VPS33B: variants seen among roughly 807,000 people sequenced by gnomAD.
VPS33B encodes the protein vacuolar protein sorting-associated protein 33B.
VPS33B carries 80 observed loss-of-function variants against 95.3 expected under a neutral mutation model. The observed-to-expected ratio is 0.84, with a 90% CI of 0.70 to 1.01. The LOEUF (loss-of-function observed/expected upper bound fraction) is 1.01. Ranked by LOEUF, VPS33B falls within the 50% of genes least tolerant of loss-of-function variation. VPS33B has a pLI of 0.00. For missense variants in VPS33B, 715 were observed against 773.4 expected (o/e 0.92, Z 0.90); for synonymous variants, 280 against 280.4 (o/e 1.00, Z 0.01).
rs934677403 is a variant in VPS33B at position 91,022,524 on chromosome 15, G to C, written c.-275C>G. On this transcript the variant is annotated 5_prime_UTR_variant, in exon 1 of 23. Coordinates refer to ENST00000333371, the MANE Select transcript of VPS33B (RefSeq NM_018668.5). ...CACTCTGCCCGTCAGCAGGATTCCG[G>C]TCTACACCCCGCAGAGACTCCGCAG... 3.0e-5 allele frequency: 10 copies of C among 329,854 alleles called. No individual in the cohort carries two copies. The highest frequency in any genetic ancestry group is 5.0e-5 in the Non-Finnish European group (9 of 180,880). The allele number at this position is 329,854 out of a possible 1,614,324, so 20.4% of individuals were successfully genotyped here. A position where few individuals can be genotyped will look rare whatever the true frequency, so the allele number is the denominator to read the frequency against.
rs933057403 is a variant in VPS33B at position 90,999,257 on chromosome 15, G to A, written c.1775-203C>T. On this transcript the variant is annotated intron_variant, in intron 22 of 22. Coordinates refer to ENST00000333371, the MANE Select transcript of VPS33B (RefSeq NM_018668.5). The surrounding 1 kb of genome is among the most constrained non-coding windows in gnomAD (Gnocchi z 5.1). Reference sequence around the variant, plus strand: ...CCTGCTGTGGCAGCCCAGAGTTAAGGCTATGGCAAGTTGTATTCTGAGGCC... The same window carrying A: ...CCTGCTGTGGCAGCCCAGAGTTAAGACTATGGCAAGTTGTATTCTGAGGCC... The A allele has an allele frequency of 9.4e-6, 6 of 635,104 alleles. No individual in the cohort carries two copies. The highest frequency in any genetic ancestry group is 5.5e-5 in the African/African-American group (3 of 54,720). 39.3% of individuals were successfully genotyped at this position (635,104 alleles called of 1,614,324 possible).
chr15:91,004,692 G>C (rs528816273), intron 16 of VPS33B, among the ~76,000 whole-genome samples, 185 bp downstream of exon 16: 1 of 151,970 alleles, frequency 6.6e-6, no homozygotes, highest in Non-Finnish European at 1.5e-5. Context: ...TCCCGCTGAG[G>C]GCTAAAGCAA....
rs964203826 is a variant in VPS33B at position 91,013,172 on chromosome 15, G to A, written c.357+632C>T. On this transcript the variant is annotated intron_variant, in intron 5 of 22. Transcript: ENST00000333371. The surrounding 1 kb of genome is among the most constrained non-coding windows in gnomAD (Gnocchi z 4.5). Reference sequence around the variant, plus strand: ...ACAGAGCAGGTTCTACCTCGCAAGCGTGAAGCTTTTCATTTAAAAAAATCT... The same window carrying A: ...ACAGAGCAGGTTCTACCTCGCAAGCATGAAGCTTTTCATTTAAAAAAATCT... Among the ~76,000 whole-genome samples, 4 of 152,166 alleles carry A rather than the reference G, an allele frequency of 2.6e-5. No individual in the cohort carries two copies. The highest frequency in any genetic ancestry group is 9.7e-5 in the African/African-American group (4 of 41,428).
rs539933186 is a variant in VPS33B, at chr15:91,019,966, C to A, written c.97-2081G>T. 7.9e-5 allele frequency among the ~76,000 whole-genome samples: 12 copies of A among 152,160 alleles called. No homozygotes were observed. The East Asian group carries it at 2.3e-3, about 29-fold the overall frequency. ...GATTACAAGCATGGGCCACTATGCC[C>A]AGCTAATTTTGTATTTTTAATAGAG... On this transcript the variant is annotated intron_variant, in intron 1 of 22. Transcript: ENST00000333371.
intron 6 of VPS33B, among the ~76,000 whole-genome samples, chr15:91,008,748 G>C (rs1352227488): frequency 6.6e-6 from 1 of 152,162 alleles, no homozygotes; most frequent in African/African-American, 2.4e-5. Context: ...GTGCTCCAAA[G>C]AGGTCAAACA....
rs562024072 is a variant in VPS33B at position 91,013,205 on chromosome 15, G to A, written c.357+599C>T. 2.7e-4 allele frequency among the ~76,000 whole-genome samples: 41 copies of A among 152,306 alleles called. No individual in the cohort carries two copies. Among genetic ancestry groups the A allele is most frequent in the Non-Finnish European group, 4.0e-4 (27 of 68,036 alleles). ...TTTCATTTAAAAAAATCTACGTAGAGGCCTCTTCGCACAATTCCACAATAC... is the reference window on the plus strand; with the variant it reads ...TTTCATTTAAAAAAATCTACGTAGAAGCCTCTTCGCACAATTCCACAATAC... On this transcript the variant is annotated intron_variant, in intron 5 of 22. Transcript: ENST00000333371. This position sits in a 1 kb window ranked among gnomAD's most constrained non-coding sequence, Gnocchi z 4.5.
chr15:91,022,473 C>G lies in VPS33B; in HGVS notation c.-224G>C, dbSNP rs919707079. 1 of 467,066 alleles carries G rather than the reference C, an allele frequency of 2.1e-6. No individual in the cohort carries two copies. The highest frequency in any genetic ancestry group is 3.3e-5 in the South Asian group (1 of 30,508). The allele number at this position is 467,066 out of a possible 1,614,324, so 28.9% of individuals were successfully genotyped here. A position where few individuals can be genotyped will look rare whatever the true frequency, so the allele number is the denominator to read the frequency against. ...AGCCTTGTCTCAGACCTGCAGCCACCGTGTCTCGACCCTCCCTCCCTGATC... is the reference window on the plus strand; with the variant it reads ...AGCCTTGTCTCAGACCTGCAGCCACGGTGTCTCGACCCTCCCTCCCTGATC... On this transcript the variant is annotated 5_prime_UTR_variant, in exon 1 of 23. Transcript: ENST00000333371.
chr15:91,000,505 G>A lies in VPS33B; in HGVS notation c.1566C>T (p.Cys522=). The A allele has an allele frequency of 1.2e-6, 2 of 1,613,234 alleles. No homozygotes were observed. The highest frequency in any genetic ancestry group is 1.7e-6 in the Non-Finnish European group (2 of 1,179,488). ...ATGCTCTCACCTGCTCAATGATTCG[G>A]CAGCTCAGGGGCACATAAGCACCAC... ...VFGGAYVPLS[C]RIIEQVLERR... is the part of the protein sequence containing the mutation. Residue 522 remains cysteine (C), a synonymous_variant, in exon 20 of 23, where the codon TGC becomes TGT. Coordinates refer to ENST00000333371, the MANE Select transcript of VPS33B (RefSeq NM_018668.5). This position sits in a 1 kb window ranked among gnomAD's most constrained non-coding sequence, Gnocchi z 4.9.
rs1054638427 is a variant in VPS33B at position 91,004,293 on chromosome 15, A to G, written c.1225+584T>C. Among the ~76,000 whole-genome samples the G allele has an allele frequency of 7.2e-5, 11 of 152,256 alleles. 1 individual carries two copies. The highest frequency in any genetic ancestry group is 2.4e-4 in the African/African-American group (10 of 41,560). On this transcript the variant is annotated intron_variant, in intron 16 of 22. Transcript: ENST00000333371. Reference sequence around the variant, plus strand: ...AATATTCACCAACTAGAAGACTTCAACAGTAAAAACAAGTTGCCATGAAGG... The same window carrying G: ...AATATTCACCAACTAGAAGACTTCAGCAGTAAAAACAAGTTGCCATGAAGG...
chr15:90,998,669 C>G, downstream of VPS33B: 1 of 438,444 alleles, frequency 2.3e-6, no homozygotes, highest in Non-Finnish European at 4.3e-6. This position sits in a 1 kb window ranked among gnomAD's most constrained non-coding sequence, Gnocchi z 4.8. Context: ...GAACGACCAA[C>G]GTATTACATC....
Position 90,999,402 on chromosome 15 carries a change from T to G in VPS33B, c.1774+275A>C. On this transcript the variant is annotated intron_variant, in intron 22 of 22. Coordinates refer to ENST00000333371, the MANE Select transcript of VPS33B (RefSeq NM_018668.5). The surrounding 1 kb of genome is among the most constrained non-coding windows in gnomAD (Gnocchi z 5.1). ...GGTGCAATCTCAGCTCACTGCAACC[T>G]CCACCTCCCGGGTTCAAGCAATTCT... is the stretch of plus-strand genomic sequence containing the variant. The G allele has an allele frequency of 4.0e-6, 2 of 496,918 alleles. No individual in the cohort carries two copies. The highest frequency in any genetic ancestry group is 7.4e-6 in the Non-Finnish European group (2 of 272,054). The allele number at this position is 496,918 out of a possible 1,614,324, so 30.8% of individuals were successfully genotyped here. A position where few individuals can be genotyped will look rare whatever the true frequency, so the allele number is the denominator to read the frequency against.
rs746051243 is a variant in VPS33B, at chr15:90,999,647, G to A, written c.1774+30C>T. On this transcript the variant is annotated intron_variant, in intron 22 of 22. Transcript: ENST00000333371. This position sits in a 1 kb window ranked among gnomAD's most constrained non-coding sequence, Gnocchi z 5.1. Reference sequence around the variant, plus strand: ...ACTTTGTTACCCAGATACAATGCAGGCCAATTCTCACCTTTCTGCTCTCTC... The same window carrying A: ...ACTTTGTTACCCAGATACAATGCAGACCAATTCTCACCTTTCTGCTCTCTC... 9.9e-6 allele frequency: 16 copies of A among 1,608,110 alleles called. No homozygotes were observed. The highest frequency in any genetic ancestry group is 4.5e-5 in the East Asian group (2 of 44,852).
chr15:91,017,392 AT>A (rs2040969014), intron 2 of VPS33B, among the ~76,000 whole-genome samples: 1 of 92,936 alleles, frequency 1.1e-5, no homozygotes, highest in Non-Finnish European at 2.3e-5. Flanking sequence ...ATATATATAT[AT>A]ATATATATAT....
chr15:91,001,045 G>A, intron 19 of VPS33B: 2 of 364,626 alleles, frequency 5.5e-6, no homozygotes, highest in South Asian at 2.3e-5. Flanking sequence ...GCTGGGCGCA[G>A]TGGCTCATGC....
chr15:91,016,264 G>A (rs1471019084), intron 3 of VPS33B, among the ~76,000 whole-genome samples: 2 of 152,110 alleles, frequency 1.3e-5, no homozygotes, highest in Non-Finnish European at 1.5e-5. Flanking sequence ...GGGGACACAC[G>A]AGACAAGGCT....
In VPS33B at chr15:91,002,302, C is replaced by T. The variant is rs2040461288; in HGVS notation, c.1273-120G>A. On this transcript the variant is annotated intron_variant, in intron 17 of 22. Transcript: ENST00000333371. The surrounding 1 kb of genome is among the most constrained non-coding windows in gnomAD (Gnocchi z 4.7). The stretch of plus-strand genomic sequence containing the variant: ...CTGCTGCAGTGTGAAGGAGCTCACA[C>T]TTTGTTGAGATAAATTTTCACATCA... 3 of 1,413,386 alleles carry T rather than the reference C, an allele frequency of 2.1e-6. No homozygotes were observed. In the East Asian group the frequency reaches 7.4e-5, roughly 35 times the overall value. 87.6% of individuals were successfully genotyped at this position (1,413,386 alleles called of 1,614,324 possible).
At position 91,010,780 on chromosome 15, in the gene VPS33B, G is replaced by A. The variant is rs960437757; in HGVS notation, c.358-934C>T. ...GAGAAAACAGCAACAGTCAAGGCAG[G>A]AAAGGTGAGAGTTGCAAGGAAGGGT... On this transcript the variant is annotated intron_variant, in intron 5 of 22. Transcript: ENST00000333371. This position sits in a 1 kb window ranked among gnomAD's most constrained non-coding sequence, Gnocchi z 5.7. 6.6e-6 allele frequency among the ~76,000 whole-genome samples: 1 copy of A among 152,170 alleles called. No homozygotes were observed. Among genetic ancestry groups the A allele is most frequent in the South Asian group, 2.1e-4 (1 of 4,828 alleles).
rs1380114955 is a variant in VPS33B, at chr15:91,009,221, G to A, written c.403+580C>T. On this transcript the variant is annotated intron_variant, in intron 6 of 22. Coordinates refer to ENST00000333371, the MANE Select transcript of VPS33B (RefSeq NM_018668.5). The surrounding 1 kb of genome is among the most constrained non-coding windows in gnomAD (Gnocchi z 4.1). ...CTGGTGTTCCTTTCATACTACCCCAGGAGTGTTCTTTTCTTATCCTTTCTT... is the reference window on the plus strand; with the variant it reads ...CTGGTGTTCCTTTCATACTACCCCAAGAGTGTTCTTTTCTTATCCTTTCTT... 1.3e-5 allele frequency among the ~76,000 whole-genome samples: 2 copies of A among 151,978 alleles called. No individual in the cohort carries two copies. The highest frequency in any genetic ancestry group is 4.8e-5 in the African/African-American group (2 of 41,372).
At chr15:91,021,702 A>C (rs754156963) in intron 1 of VPS33B, among the ~76,000 whole-genome samples, 9 of 152,192 alleles carry the variant, frequency 5.9e-5, no homozygotes, top group Non-Finnish European at 1.0e-4. Flanking sequence ...TCTCCAAAGA[A>C]AATATGCTTA....
Sources: allele counts gnomAD v4.1 joint callset (sites outside exome capture counted in the v4.1 genomes callset), GRCh38; gene constraint gnomAD v4.1.1; non-coding constraint Gnocchi (gnomAD v3.1); transcripts MANE v1.5; gene names NCBI Gene and HGNC (gene_info 2026-07-23, HGNC 2026-07-21).